Variants in WNK1 observed in about 807,000 individuals in gnomAD.
WNK1 encodes serine/threonine-protein kinase WNK1.
In WNK1, 38 loss-of-function variants were observed where a neutral mutation model predicts 222.8. That is an observed-to-expected ratio of 0.17 (90% confidence interval 0.13 to 0.22). WNK1 has a LOEUF of 0.22. WNK1 is among the 10% of genes least tolerant of loss of function. The probability of loss-of-function intolerance (pLI) is 1.00; values close to 1 mark genes in which losing one functional copy is unlikely to be tolerated. For synonymous variants in WNK1, 1,090 were observed against 1,092.9 expected (o/e 1.00, Z 0.05); for missense variants, 2,348 against 2,918.4 (o/e 0.80, Z 4.50).
intron 22 of WNK1, among the ~76,000 whole-genome samples, chr12:893,219 T>A (rs1954425862): frequency 3.3e-5 from 5 of 152,230 alleles, no homozygotes; most frequent in African/African-American, 7.2e-5. Context: ...ATGGCATCAC[T>A]GTACTCCAGC....
rs780626743 is a variant in WNK1, at chr12:855,826, GTTTTGTTTTTGT to G, written c.1312-1318_1312-1307del. Among the ~76,000 whole-genome samples, 35 of 151,810 alleles carry G rather than the reference GTTTTGTTTTTGT, an allele frequency of 2.3e-4. No homozygotes were observed. The East Asian group carries it at 3.3e-3, about 14-fold the overall frequency. ...TTATGTATATTTTCCACACATTGCT[GTTTTGTTTTTGT>G]TTTTGTTTTTGTTTTTTTTAAAGAT... On this transcript the variant is annotated intron_variant, in intron 4 of 27. Transcript: ENST00000315939.
rs1369076865 is a variant in WNK1, at chr12:757,730, AATTTCCTTTAAGAAAACAT to A, written c.759+3407_759+3425del. ...TCTGGTTTTTCAAAAAAGATAGCATAATTTCCTTTAAGAAAACATTGATGGAGCCGGGTGCGGTGGCTCA... is the reference window on the plus strand; with the variant it reads ...TCTGGTTTTTCAAAAAAGATAGCATATGATGGAGCCGGGTGCGGTGGCTCA... On this transcript the variant is annotated intron_variant, in intron 1 of 27. Transcript: ENST00000315939. Among the ~76,000 whole-genome samples the A allele has an allele frequency of 1.2e-4, 15 of 125,416 alleles. 2 individuals are homozygous for A. The highest frequency in any genetic ancestry group is 2.7e-4 in the South Asian group (1 of 3,736). The allele number at this position is 125,416 out of a possible 152,430, so 82.3% of individuals were successfully genotyped here.
In WNK1 at chr12:753,169, AGCCGCGTCC is replaced by A. The variant is rs988948043; in HGVS notation, c.-391_-383del. On this transcript the variant is annotated 5_prime_UTR_variant, in exon 1 of 28. Transcript: ENST00000315939. The surrounding 1 kb of genome is among the most constrained non-coding windows in gnomAD (Gnocchi z 5.2). ...CAGCTCGGCGAGCGGCGGCAGTGGG[AGCCGCGTCC>A]GCCGCATCCGCCTCGACTCGGTGCC... is the stretch of plus-strand genomic sequence containing the variant. The A allele has an allele frequency of 5.5e-5, 9 of 162,600 alleles. No individual in the cohort carries two copies. The highest frequency in any genetic ancestry group is 1.8e-4 in the East Asian group (1 of 5,688). 10.1% of individuals were successfully genotyped at this position (162,600 alleles called of 1,614,324 possible).
At chr12:839,803 G>T (rs1307978269) in intron 4 of WNK1, among the ~76,000 whole-genome samples, 1 of 151,426 alleles carries the variant, frequency 6.6e-6, no homozygotes, top group Non-Finnish European at 1.5e-5. Context: ...TGCAACCTCC[G>T]CCTCCCAGGT....
At chr12:817,091 C>G (rs1382884693) in intron 2 of WNK1, among the ~76,000 whole-genome samples, 2 of 152,090 alleles carry the variant, frequency 1.3e-5, no homozygotes, top group African/African-American at 4.8e-5. Context: ...ATTGAATTGA[C>G]AGGAATATTA....
intron 8 of WNK1, among the ~76,000 whole-genome samples, chr12:867,554 C>G (rs1951778934): frequency 6.6e-6 from 1 of 152,126 alleles, no homozygotes; most frequent in Admixed American, 6.5e-5. Flanking sequence ...TAAGAGTGAA[C>G]TTTTTAAGTG....
chr12:880,723 C>G lies in WNK1; in HGVS notation c.2835C>G (p.Gly945=). Residue 945 remains glycine, a splice_region_variant and synonymous_variant, in exon 12 of 28, where the codon GGC becomes GGG. Transcript: ENST00000315939. ...PLSSGDVLYQ[G]FPPRLPPQYP... is the part of the protein sequence containing the mutation. The stretch of plus-strand genomic sequence containing the variant: ...CACCTTCCTCATTTCTGTCACAGGG[C>G]TTCCCACCTCGACTGCCACCACAGT... 1 of 1,613,504 alleles carries G rather than the reference C, an allele frequency of 6.2e-7. No individual in the cohort carries two copies. The highest frequency in any genetic ancestry group is 8.5e-7 in the Non-Finnish European group (1 of 1,179,938).
intron 1 of WNK1, among the ~76,000 whole-genome samples, chr12:785,624 C>T (rs1336257772): frequency 6.6e-6 from 1 of 152,084 alleles, no homozygotes; most frequent in Non-Finnish European, 1.5e-5. Context: ...ATCTGGATCT[C>T]CTGACCTCGT....
chr12:791,401 G>A (rs995823741), intron 1 of WNK1, among the ~76,000 whole-genome samples: 3 of 151,950 alleles, frequency 2.0e-5, no homozygotes, highest in Non-Finnish European at 4.4e-5. Context: ...AATAATGATC[G>A]TAAAGTGCGG....
chr12:873,894 G>C (rs11064581), intron 9 of WNK1, among the ~76,000 whole-genome samples: 3 of 151,970 alleles, frequency 2.0e-5, no homozygotes, highest in Admixed American at 1.3e-4. Flanking sequence ...CTTGAACATA[G>C]TAAATGAGGA....
At chr12:826,938 A>T in intron 2 of WNK1, 104 bp from the exon 3 acceptor site, 1 of 871,510 alleles carries the variant, frequency 1.1e-6, no homozygotes, top group East Asian at 2.6e-5. Flanking sequence ...TAGTATGCTA[A>T]ATTTGATATT....
At chr12:908,437 C>A (rs917818997) in intron 27 of WNK1, 38 bp from the exon 28 acceptor site, 1 of 1,605,018 alleles carries the variant, frequency 6.2e-7, no homozygotes, top group Non-Finnish European at 8.5e-7. Context: ...TATACCATGG[C>A]CCACACCAGA....
chr12:756,251 C>T (rs1940010285), intron 1 of WNK1, among the ~76,000 whole-genome samples: 1 of 152,092 alleles, frequency 6.6e-6, no homozygotes, highest in Non-Finnish European at 1.5e-5. Context: ...TATTTCACTT[C>T]TGAGACTTCT....
chr12:779,154 G>A (rs2107612), intron 1 of WNK1, among the ~76,000 whole-genome samples: 107,158 of 152,010 alleles, frequency 0.7, 38,021 homozygotes, highest in East Asian at 0.87. Flanking sequence ...CATATTGTCT[G>A]CTTTTCTCCA....
intron 26 of WNK1, among the ~76,000 whole-genome samples, chr12:903,712 G>C (rs1475692235): frequency 1.3e-5 from 2 of 152,158 alleles, no homozygotes; most frequent in Non-Finnish European, 2.9e-5. Context: ...GTCACATCAG[G>C]ATACATCATG....
intron 21 of WNK1, among the ~76,000 whole-genome samples, chr12:889,477 A>G (rs556403547): frequency 3.9e-5 from 6 of 152,284 alleles, no homozygotes; most frequent in East Asian, 3.9e-4. Flanking sequence ...GATCAATTCT[A>G]TGGATTTCGT....
rs758394478 is a variant in WNK1 at position 907,896 on chromosome 12, C to G, written c.6693C>G (p.Ala2231=). 6.2e-7 allele frequency: 1 copy of G among 1,614,100 alleles called. No homozygotes were observed. The highest frequency in any genetic ancestry group is 1.1e-5 in the South Asian group (1 of 91,078). Reference sequence around the variant, plus strand: ...GGGCAACAGTGAACAGCCAAGCCGCCCAAGCTCAGCCTCCTGCCATGACGT... The same window carrying G: ...GGGCAACAGTGAACAGCCAAGCCGCGCAAGCTCAGCCTCCTGCCATGACGT... ...TVGATVNSQA[A]QAQPPAMTSS... The change falls in exon 27 of 28, where the codon GCC becomes GCG. Residue 2231 remains alanine (A), a synonymous_variant. Coordinates refer to ENST00000315939, the MANE Select transcript of WNK1 (RefSeq NM_018979.4).
rs1954988382 is a variant in WNK1 at position 898,997 on chromosome 12, C to T, written c.6448+1316C>T. Among the ~76,000 whole-genome samples the T allele has an allele frequency of 2.0e-5, 3 of 152,178 alleles. No homozygotes were observed. In the South Asian group the frequency reaches 6.2e-4, roughly 32 times the overall value. On this transcript the variant is annotated intron_variant, in intron 25 of 27. Transcript: ENST00000315939. ...TCAGGTGATCCACCCACCTTGGCCT[C>T]CCAAAGTGCTGGGATTACAGGCGTG...
In WNK1 at chr12:865,039, A is replaced by G. The variant is rs1435752753; in HGVS notation, c.2139+2769A>G. 6.3e-6 allele frequency: 9 copies of G among 1,430,978 alleles called. No homozygotes were observed. The East Asian group carries it at 1.5e-4, about 24-fold the overall frequency. 88.6% of individuals were successfully genotyped at this position (1,430,978 alleles called of 1,614,324 possible). On this transcript the variant is annotated intron_variant, in intron 8 of 27. Transcript: ENST00000315939. Reference sequence around the variant, plus strand: ...TTTCTTCATGCAACTATGCCCTGTTATCATTGTACTTTTGTTTATTTTGTT... The same window carrying G: ...TTTCTTCATGCAACTATGCCCTGTTGTCATTGTACTTTTGTTTATTTTGTT...
Sources: gnomAD v4.1 joint callset for allele counts (sites outside exome capture counted in the v4.1 genomes callset) on GRCh38, gnomAD v4.1.1 for gene constraint, Gnocchi (gnomAD v3.1) non-coding constraint, MANE v1.5 for transcripts, NCBI Gene and HGNC (gene_info 2026-07-23, HGNC 2026-07-21) for gene names.